Variants in PPP1R12B observed in about 807,000 individuals in gnomAD.
PPP1R12B encodes myosin phosphatase target subunit 2.
In PPP1R12B, 76 loss-of-function variants were observed where a neutral mutation model predicts 126.1. The ratio of observed to expected loss-of-function variants is 0.60; its 90% CI spans 0.50 to 0.73. The LOEUF is 0.73. Among genes scored for constraint, PPP1R12B ranks in the 30% least tolerant of loss-of-function variants. The pLI is 0.00. For synonymous variants in PPP1R12B, 356 were observed against 434.7 expected (o/e 0.82, Z 2.25); for missense variants, 1,052 against 1,205.1 (o/e 0.87, Z 1.88).
intron 13 of PPP1R12B, among the ~76,000 whole-genome samples, chr1:202,467,595 C>T (rs543852781): frequency 8.5e-5 from 13 of 152,088 alleles, no homozygotes; most frequent in African/African-American, 2.2e-4. Flanking sequence ...GGTGTATATG[C>T]GCCACATTTT....
chr1:202,355,863 C>T (rs893629043), intron 1 of PPP1R12B, among the ~76,000 whole-genome samples: 5 of 152,088 alleles, frequency 3.3e-5, no homozygotes, highest in South Asian at 2.1e-4. Context: ...ACTCTGAAGA[C>T]GTACAAATAG....
At chr1:202,570,524 T>C (rs1188228399) in intron 23 of PPP1R12B, among the ~76,000 whole-genome samples, 1 of 152,170 alleles carries the variant, frequency 6.6e-6, no homozygotes, top group Non-Finnish European at 1.5e-5. Flanking sequence ...TCCAAGTTGA[T>C]TCAAGCAGCA....
chr1:202,403,300 G>A (rs1468585607), intron 1 of PPP1R12B, among the ~76,000 whole-genome samples: 1 of 152,104 alleles, frequency 6.6e-6, no homozygotes, highest in Non-Finnish European at 1.5e-5. Flanking sequence ...TAGAATTTTT[G>A]TGTGCAAAAA....
Position 202,422,753 on chromosome 1 carries a change from T to C in PPP1R12B, c.541+15T>C, listed in dbSNP as rs529432717. 42 of 1,613,360 alleles carry C rather than the reference T, an allele frequency of 2.6e-5. No homozygotes were observed. The highest frequency in any genetic ancestry group is 8.3e-5 in the Admixed American group (5 of 59,964). On this transcript the variant is annotated intron_variant, in intron 3 of 23. Transcript: ENST00000608999. ...AAAGAAGCAAGGTAACCTCATGGAT[T>C]GGAGGGGGCCAGGAAAGATTCTCAA...
chr1:202,496,659 A>C (rs1316086212), intron 17 of PPP1R12B, 122 bp from the exon 18 acceptor site: 1 of 798,386 alleles, frequency 1.3e-6, no homozygotes, highest in Non-Finnish European at 2.0e-6. Context: ...ATCACTTGGA[A>C]GTCAATTCTC....
chr1:202,470,107 C>T (rs1572168238), intron 13 of PPP1R12B, among the ~76,000 whole-genome samples: 1 of 152,154 alleles, frequency 6.6e-6, no homozygotes, highest in Admixed American at 6.5e-5. Flanking sequence ...TGAGAGTAGA[C>T]GAGTCTGTGA....
At chr1:202,349,290 C>T (rs1177782515) in intron 1 of PPP1R12B, 148 bp downstream of exon 1, 1 of 923,746 alleles carries the variant, frequency 1.1e-6, no homozygotes, top group East Asian at 2.7e-5. Context: ...CATTCTTGGC[C>T]AGCTTCCTCC....
At chr1:202,366,844 A>G (rs1659325529) in intron 1 of PPP1R12B, among the ~76,000 whole-genome samples, 1 of 152,198 alleles carries the variant, frequency 6.6e-6, no homozygotes. Flanking sequence ...GTAGACTAAA[A>G]TAAAAATATA....
chr1:202,485,285 A>G (rs10920412), intron 13 of PPP1R12B, among the ~76,000 whole-genome samples: 67,492 of 151,776 alleles, frequency 0.44, 16,091 homozygotes, highest in East Asian at 0.71. Context: ...TGTGAACATG[A>G]TAGAGTGATG....
At chr1:202,476,160 G>A (rs1676615493) in intron 13 of PPP1R12B, among the ~76,000 whole-genome samples, 1 of 148,320 alleles carries the variant, frequency 6.7e-6, no homozygotes, top group African/African-American at 2.5e-5. Flanking sequence ...GCCTGAGATT[G>A]TGCCACTGCA....
intron 13 of PPP1R12B, among the ~76,000 whole-genome samples, chr1:202,450,597 T>C (rs1398985136): frequency 6.6e-6 from 1 of 152,228 alleles, no homozygotes; most frequent in African/African-American, 2.4e-5. Flanking sequence ...GGAGCTTTTA[T>C]ATTTGTGTGT....
intron 18 of PPP1R12B, among the ~76,000 whole-genome samples, chr1:202,543,824 C>T (rs1253929757): frequency 2.6e-5 from 4 of 152,238 alleles, no homozygotes; most frequent in East Asian, 1.9e-4. Flanking sequence ...TCGCTCCTAC[C>T]GACAGTAAGA....
At chr1:202,464,005 CCTT>C (rs554744049) in intron 13 of PPP1R12B, among the ~76,000 whole-genome samples, 66 of 152,288 alleles carry the variant, frequency 4.3e-4, no homozygotes, top group African/African-American at 1.6e-3. Flanking sequence ...CCATGCGTGA[CCTT>C]CTTTCTAGAA....
Position 202,416,936 on chromosome 1 carries a change from G to T in PPP1R12B, c.422+19G>T. On this transcript the variant is annotated intron_variant, in intron 2 of 23. Transcript: ENST00000608999. ...TAGCAGAGTGAGTGAGTCTCTGTGT[G>T]TGTGGCTTTGTAGTATTTGTAGGAA... The T allele has an allele frequency of 6.2e-7, 1 of 1,606,820 alleles. No homozygotes were observed. Among genetic ancestry groups the T allele is most frequent in the East Asian group, 2.2e-5 (1 of 44,700 alleles).
intron 1 of PPP1R12B, among the ~76,000 whole-genome samples, chr1:202,413,091 C>T (rs1333938431): frequency 4.6e-5 from 7 of 151,544 alleles, no homozygotes; most frequent in African/African-American, 4.9e-5. Flanking sequence ...AAAACTAGAC[C>T]ATTATGAATA....
At chr1:202,371,151 GAC>G (rs1226464432) in intron 1 of PPP1R12B, among the ~76,000 whole-genome samples, 1 of 150,206 alleles carries the variant, frequency 6.7e-6, no homozygotes, top group East Asian at 1.9e-4. Flanking sequence ...AAATAGCTGG[GAC>G]TACAGGTGTG....
At chr1:202,473,554 C>T (rs2148798297) in intron 13 of PPP1R12B, among the ~76,000 whole-genome samples, 1 of 152,354 alleles carries the variant, frequency 6.6e-6, no homozygotes, top group South Asian at 2.1e-4. Flanking sequence ...TCTCTCTTTG[C>T]TCTGTCTTCT....
chr1:202,430,334 T>C (rs1349566881), intron 6 of PPP1R12B, among the ~76,000 whole-genome samples: 1 of 152,222 alleles, frequency 6.6e-6, no homozygotes, highest in Non-Finnish European at 1.5e-5. Context: ...CAGACCATTT[T>C]CCCTAAGGGC....
At chr1:202,505,163 G>A (rs1680673311) in intron 18 of PPP1R12B, among the ~76,000 whole-genome samples, 1 of 152,180 alleles carries the variant, frequency 6.6e-6, no homozygotes, top group Admixed American at 6.5e-5. Context: ...TAGGGGGAAA[G>A]AAATGAGTAG....
Sources: allele counts gnomAD v4.1 joint callset (sites outside exome capture counted in the v4.1 genomes callset), GRCh38; gene constraint gnomAD v4.1.1; transcripts MANE v1.5; gene names NCBI Gene and HGNC (gene_info 2026-07-23, HGNC 2026-07-21).